ADGRL2: variants seen among roughly 807,000 people sequenced by gnomAD.
ADGRL2 encodes adhesion G protein-coupled receptor L2, also known as calcium-independent alpha-latrotoxin receptor 2.
In ADGRL2, 44 loss-of-function variants were observed where a neutral mutation model predicts 157.4. The ratio of observed to expected loss-of-function variants is 0.28; its 90% CI spans 0.22 to 0.36. ADGRL2 has a LOEUF of 0.36. ADGRL2 is among the 10% of genes least tolerant of loss of function. The probability of loss-of-function intolerance (pLI) is 1.00; values close to 1 mark genes in which losing one functional copy is unlikely to be tolerated. For synonymous variants in ADGRL2, 585 were observed against 624.7 expected (o/e 0.94, Z 0.95); for missense variants, 1,510 against 1,768.9 (o/e 0.85, Z 2.63).
chr1:81,669,009 G>T (rs984403345), intron 3 of ADGRL2, among the ~76,000 whole-genome samples: 1 of 152,012 alleles, frequency 6.6e-6, no homozygotes. Flanking sequence ...TTTATCTGTG[G>T]TGTTCTGTCT....
intron 3 of ADGRL2, among the ~76,000 whole-genome samples, chr1:81,676,935 C>T (rs767299388): frequency 6.6e-6 from 1 of 150,972 alleles, no homozygotes; most frequent in Admixed American, 6.6e-5. Context: ...GTGATCTGCC[C>T]GCAGTGCTGA....
intron 2 of ADGRL2, among the ~76,000 whole-genome samples, chr1:81,505,548 G>A (rs1331923105): frequency 6.6e-6 from 1 of 150,576 alleles, no homozygotes; most frequent in East Asian, 2.0e-4. Context: ...GTCACCCAGA[G>A]CCGGATGAGG....
chr1:81,653,707 T>C (rs2082471138), intron 3 of ADGRL2, among the ~76,000 whole-genome samples: 1 of 152,226 alleles, frequency 6.6e-6, no homozygotes, highest in Non-Finnish European at 1.5e-5. Flanking sequence ...GAAAAGAATT[T>C]GTAAATATAT....
chr1:81,620,856 CA>C (rs1453097912), intron 3 of ADGRL2, among the ~76,000 whole-genome samples: 1 of 152,160 alleles, frequency 6.6e-6, no homozygotes, highest in Non-Finnish European at 1.5e-5. Context: ...AATCGTCAGA[CA>C]AGGCCTCCGA....
intron 2 of ADGRL2, among the ~76,000 whole-genome samples, chr1:81,469,045 T>C (rs369127954): frequency 6.6e-6 from 1 of 152,312 alleles, no homozygotes; most frequent in East Asian, 1.9e-4. Context: ...ACCTAGCACC[T>C]GTACTTCAAT....
intron 1 of ADGRL2, among the ~76,000 whole-genome samples, chr1:81,813,433 A>G (rs1370700089): frequency 1.3e-5 from 2 of 151,714 alleles, no homozygotes; most frequent in African/African-American, 4.8e-5. Context: ...TTACTGTGAC[A>G]AAGAATAATC....
intron 2 of ADGRL2, among the ~76,000 whole-genome samples, chr1:81,893,528 G>GT (rs1451151659): frequency 6.6e-6 from 1 of 152,120 alleles, no homozygotes; most frequent in Non-Finnish European, 1.5e-5. Flanking sequence ...GCAACTCCTT[G>GT]TAATTTGTCA....
chr1:81,949,627 A>T (rs1053708586), intron 6 of ADGRL2, among the ~76,000 whole-genome samples: 4 of 152,294 alleles, frequency 2.6e-5, no homozygotes, highest in African/African-American at 9.6e-5. Context: ...TGCCAAGCTT[A>T]TCTTCTGTTT....
intron 1 of ADGRL2, among the ~76,000 whole-genome samples, chr1:81,355,610 C>T (rs1016376755): frequency 1.1e-4 from 17 of 152,242 alleles, no homozygotes; most frequent in East Asian, 3.9e-4. Context: ...AGAAACACAA[C>T]GCCTGTTGCC....
chr1:81,894,666 T>TA (rs1011260075), intron 2 of ADGRL2, among the ~76,000 whole-genome samples: 67 of 151,118 alleles, frequency 4.4e-4, no homozygotes, highest in African/African-American at 1.2e-3. Context: ...GAGTAGAAAT[T>TA]AAAAAAAAAC....
intron 2 of ADGRL2, among the ~76,000 whole-genome samples, chr1:81,492,830 C>G (rs553734762): frequency 6.6e-6 from 1 of 152,290 alleles, no homozygotes; most frequent in African/African-American, 2.4e-5. Flanking sequence ...TAAGTAGGGA[C>G]TGATGAATAG....
At chr1:81,937,697 T>A (rs562049999) in intron 4 of ADGRL2, among the ~76,000 whole-genome samples, 7 of 151,718 alleles carry the variant, frequency 4.6e-5, no homozygotes, top group Non-Finnish European at 1.0e-4. Flanking sequence ...TTCATGGGCG[T>A]TTGAATTATA....
chr1:81,965,201 G>T (rs1320628101), intron 11 of ADGRL2, among the ~76,000 whole-genome samples: 1 of 152,124 alleles, frequency 6.6e-6, no homozygotes, highest in African/African-American at 2.4e-5. Flanking sequence ...TCACACTTCT[G>T]CTGTAAAGGT....
intron 1 of ADGRL2, among the ~76,000 whole-genome samples, chr1:81,333,433 TG>T (rs1021584508): frequency 3.9e-5 from 6 of 152,094 alleles, no homozygotes; most frequent in African/African-American, 1.4e-4. Context: ...ATTTATTTTT[TG>T]AGACGGAGTC....
intron 2 of ADGRL2, among the ~76,000 whole-genome samples, chr1:81,869,386 T>C (rs751757471): frequency 1.3e-5 from 2 of 152,144 alleles, no homozygotes; most frequent in African/African-American, 4.8e-5. Flanking sequence ...TACGTTACTT[T>C]AAACTACAGT....
intron 2 of ADGRL2, among the ~76,000 whole-genome samples, chr1:81,848,143 A>T (rs963087316): frequency 6.6e-6 from 1 of 151,742 alleles, no homozygotes; most frequent in East Asian, 1.9e-4. Context: ...TAGGGTACTG[A>T]TATGATTTGT....
Position 81,969,386 on chromosome 1 carries a change from C to A in ADGRL2, c.2732C>A (p.Ala911Glu). The change falls in exon 15 of 24, where the codon GCG (alanine) becomes GAG (glutamate). Residue 911 changes from alanine (A) to glutamate (E), a missense_variant and splice_region_variant. Physicochemically the swap from Ala to Glu is moderately radical, Grantham distance 107. Transcript: ENST00000686636. ...FLIGIDKTKY[A>E]IACPIFAGLL... is the part of the protein sequence containing the mutation. ...ATAGGCATTGATAAGACAAAATATG[C>A]GGTAAGCACCAGTTGAGTTCATTGA... 2 of 1,605,396 alleles carry A rather than the reference C, an allele frequency of 1.2e-6. No homozygotes were observed. Among genetic ancestry groups the A allele is most frequent in the South Asian group, 1.1e-5 (1 of 90,842 alleles).
chr1:81,581,033 T>C (rs955218989), intron 3 of ADGRL2: 2 of 152,206 alleles, frequency 1.3e-5, no homozygotes, highest in African/African-American at 4.8e-5. Context: ...AGAAAAATTT[T>C]CTCAGATTTT....
intron 2 of ADGRL2, among the ~76,000 whole-genome samples, chr1:81,856,877 C>A (rs1343567595): frequency 6.6e-6 from 1 of 151,956 alleles, no homozygotes; most frequent in African/African-American, 2.4e-5. Flanking sequence ...TTGCTTTGAT[C>A]ATTAAATAAT....
Sources: allele counts gnomAD v4.1 joint callset (sites outside exome capture counted in the v4.1 genomes callset), GRCh38; gene constraint gnomAD v4.1.1; transcripts MANE v1.5; gene names NCBI Gene and HGNC (gene_info 2026-07-23, HGNC 2026-07-21).